The following LAMP3 variants were observed in gnomAD, a reference collection of about 807,000 sequenced individuals.
LAMP3 encodes the protein lysosome-associated membrane glycoprotein 3.
LAMP3 carries 26 observed loss-of-function variants against 34.8 expected under a neutral mutation model. The ratio of observed to expected loss-of-function variants is 0.75; its 90% CI spans 0.55 to 1.04. The LOEUF is 1.04. LAMP3 is among the 50% of genes least tolerant of loss of function. The pLI is 0.00. For missense variants in LAMP3, 495 were observed against 524.0 expected (o/e 0.94, Z 0.54); for synonymous variants, 180 against 201.9 (o/e 0.89, Z 0.92).
At chr3:183,137,179 A>G (rs1022688954) in intron 4 of LAMP3, among the ~76,000 whole-genome samples, 8 of 151,752 alleles carry the variant, frequency 5.3e-5, no homozygotes, top group African/African-American at 1.9e-4. Flanking sequence ...TTAGCCAGGC[A>G]TGGAGGTGGG....
Position 183,153,671 on chromosome 3 carries a change from C to T in LAMP3, c.759+11G>A. On this transcript the variant is annotated intron_variant, in intron 2 of 5. Coordinates refer to ENST00000265598, the MANE Select transcript of LAMP3 (RefSeq NM_014398.4). ...TGAAGATAGTGTTATAGTCCTGTGG[C>T]CCCAACTTACCGACTCCTTGTCTTG... 6.6e-7 allele frequency: 1 copy of T among 1,504,692 alleles called. No individual in the cohort carries two copies. The highest frequency in any genetic ancestry group is 8.9e-7 in the Non-Finnish European group (1 of 1,123,664). 93.2% of individuals were successfully genotyped at this position (1,504,692 alleles called of 1,614,324 possible). A position where few individuals can be genotyped will look rare whatever the true frequency, so the allele number is the denominator to read the frequency against.
At chr3:183,143,713 A>T (rs1315428203) in intron 3 of LAMP3, among the ~76,000 whole-genome samples, 1 of 152,186 alleles carries the variant, frequency 6.6e-6, no homozygotes, top group Non-Finnish European at 1.5e-5. Context: ...AAGAAAAAAA[A>T]AGATTCCAAG....
chr3:183,143,689 A>C lies in LAMP3; in HGVS notation c.889-3094T>G, dbSNP rs959548958. On this transcript the variant is annotated intron_variant, in intron 3 of 5. Coordinates refer to ENST00000265598, the MANE Select transcript of LAMP3 (RefSeq NM_014398.4). ...TGGCTTCTGTTCATACATCCCTATT[A>C]AGTGTCTCTTTCCAAGAAAAAAAAA... 2.6e-5 allele frequency among the ~76,000 whole-genome samples: 4 copies of C among 152,198 alleles called. No individual in the cohort carries two copies. The South Asian group carries it at 8.3e-4, about 32-fold the overall frequency.
chr3:183,151,183 A>C (rs190257074), intron 3 of LAMP3, among the ~76,000 whole-genome samples: 1 of 152,312 alleles, frequency 6.6e-6, no homozygotes, highest in East Asian at 1.9e-4. Context: ...ATTGGGAAAC[A>C]AGCCCCAACT....
chr3:183,134,263 T>G (rs921432974), intron 5 of LAMP3, among the ~76,000 whole-genome samples: 5 of 152,024 alleles, frequency 3.3e-5, no homozygotes, highest in Non-Finnish European at 7.4e-5. Flanking sequence ...GGAGAGGAGT[T>G]AAGGAGAACT....
At chr3:183,131,913 C>T in intron 5 of LAMP3, 1 of 985,136 alleles carries the variant, frequency 1.0e-6, no homozygotes, top group African/African-American at 1.7e-5. Flanking sequence ...TATCAACCGT[C>T]CCCCATCAGG....
chr3:183,154,671 C>T lies in LAMP3; in HGVS notation c.50-280G>A, dbSNP rs139374244. On this transcript the variant is annotated intron_variant, in intron 1 of 5. Coordinates refer to ENST00000265598, the MANE Select transcript of LAMP3 (RefSeq NM_014398.4). ...CTGTGTGAGGTGTGGTACTAATACA[C>T]GCCAAAGTGATCATGCTCAGCTAGA... Among the ~76,000 whole-genome samples the T allele has an allele frequency of 3.3e-5, 5 of 152,154 alleles. No individual in the cohort carries two copies. The South Asian group carries it at 6.2e-4, about 19-fold the overall frequency.
At chr3:183,137,705 T>C (rs981875117) in intron 4 of LAMP3, among the ~76,000 whole-genome samples, 24 of 152,048 alleles carry the variant, frequency 1.6e-4, no homozygotes, top group African/African-American at 5.6e-4. Flanking sequence ...AACATGAAAA[T>C]CATCATTACT....
intron 3 of LAMP3, among the ~76,000 whole-genome samples, chr3:183,148,667 T>C (rs78939752): frequency 0.074 from 11,236 of 152,138 alleles, 468 homozygotes; most frequent in East Asian, 0.16. Flanking sequence ...CCAGTGAAAA[T>C]GGCTCTTATC....
In LAMP3 at chr3:183,154,101, AGTT is replaced by A; in HGVS notation, c.337_339del (p.Asn113del). The A allele has an allele frequency of 6.2e-7, 1 of 1,613,908 alleles. No homozygotes were observed. Among genetic ancestry groups the A allele is most frequent in the Non-Finnish European group, 8.5e-7 (1 of 1,179,970 alleles). On this transcript the variant is annotated inframe_deletion, in exon 2 of 6. Transcript: ENST00000265598. ...TCAGTAACTGGAGGAGCTGTGTGTG[AGTT>A]GTTGGGTGTGGCCTGGGTTGTGACC...
At chr3:183,138,812 T>A (rs1720182028) in intron 4 of LAMP3, among the ~76,000 whole-genome samples, 1 of 152,182 alleles carries the variant, frequency 6.6e-6, no homozygotes, top group African/African-American at 2.4e-5. Flanking sequence ...CCTGGCTCTC[T>A]GTCCCTCGAC....
In LAMP3 at chr3:183,126,229, G is replaced by A. The variant is rs115420531; in HGVS notation, c.1118-2015C>T. 4.4e-3 allele frequency among the ~76,000 whole-genome samples: 675 copies of A among 151,862 alleles called. 6 individuals are homozygous for A. Among genetic ancestry groups the A allele is most frequent in the African/African-American group, 0.016 (642 of 41,374 alleles). On this transcript the variant is annotated intron_variant, in intron 5 of 5. Coordinates refer to ENST00000265598, the MANE Select transcript of LAMP3 (RefSeq NM_014398.4). ...AAATAATATAGCCATTAAAAAGAACGTGGTAGGTCTCGGTGTTCTGTAACA... is the reference window on the plus strand; with the variant it reads ...AAATAATATAGCCATTAAAAAGAACATGGTAGGTCTCGGTGTTCTGTAACA...
intron 3 of LAMP3, among the ~76,000 whole-genome samples, chr3:183,145,467 C>T (rs923781142): frequency 1.2e-4 from 19 of 152,036 alleles, no homozygotes; most frequent in African/African-American, 3.6e-4. Flanking sequence ...GGTCACAAAG[C>T]GAATGATATG....
chr3:183,152,401 C>T lies in LAMP3; in HGVS notation c.862G>A (p.Gly288Arg), dbSNP rs770560672. ...KSNLLLNFQG[G>R]FVNLTFTKDE... is the part of the protein sequence containing the mutation. ...TTGGTAAATGTGAGATTCACAAATC[C>T]GCCCTGAAAATTCAACAGAAGGTTG... Residue 288 changes from glycine to arginine, a missense_variant, in exon 3 of 6, where the codon GGA becomes AGA. Gly to Arg is a moderately radical substitution (Grantham distance 125, BLOSUM62 -2). Transcript: ENST00000265598. 1.4e-5 allele frequency: 23 copies of T among 1,611,534 alleles called. No individual in the cohort carries two copies. In the African/African-American group the frequency reaches 1.9e-4, roughly 13 times the overall value.
In LAMP3 at chr3:183,153,873, G is replaced by A; in HGVS notation, c.568C>T (p.His190Tyr). The stretch of plus-strand genomic sequence containing the variant: ...GCAGCTGCCGTTGTTCCTGGGGCAT[G>A]GGTGGGTTGAACAGGCTTCTGACCG... ...TTGQKPVQPT[H>Y]APGTTAAAHN... Residue 190 changes from histidine to tyrosine, a missense_variant, in exon 2 of 6, where the codon CAT (histidine) becomes TAT (tyrosine). By Grantham distance (83) the His-to-Tyr change is moderately conservative. Coordinates refer to ENST00000265598, the MANE Select transcript of LAMP3 (RefSeq NM_014398.4). The A allele has an allele frequency of 6.2e-7, 1 of 1,613,832 alleles. No homozygotes were observed. Among genetic ancestry groups the A allele is most frequent in the Non-Finnish European group, 8.5e-7 (1 of 1,179,746 alleles).
At position 183,153,753 on chromosome 3, in the gene LAMP3, C is replaced by T; in HGVS notation, c.688G>A (p.Val230Ile). 6.4e-7 allele frequency: 1 copy of T among 1,554,056 alleles called. No homozygotes were observed. The highest frequency in any genetic ancestry group is 8.7e-7 in the Non-Finnish European group (1 of 1,152,180). The change falls in exon 2 of 6, where the codon GTT becomes ATT. Residue 230 changes from valine (V) to isoleucine (I), a missense_variant. Transcript: ENST00000265598. ...PSSVKTGIYQVLNGSRLCIKA... is the reference protein window; with the variant it reads ...PSSVKTGIYQILNGSRLCIKA... ...ATACAGAGTCTGCTTCCGTTTAGAACCTGATAAATTCCAGTCTTGACTGAC... is the reference window on the plus strand; with the variant it reads ...ATACAGAGTCTGCTTCCGTTTAGAATCTGATAAATTCCAGTCTTGACTGAC...
chr3:183,152,946 G>T (rs577176224), intron 2 of LAMP3, among the ~76,000 whole-genome samples: 122 of 152,208 alleles, frequency 8.0e-4, no homozygotes, highest in Middle Eastern at 3.4e-3. Flanking sequence ...GGAGGCCAAG[G>T]CGGGCAGATC....
At chr3:183,140,059 C>T (rs12633970) in intron 4 of LAMP3, among the ~76,000 whole-genome samples, 11 of 152,124 alleles carry the variant, frequency 7.2e-5, no homozygotes, top group Non-Finnish European at 1.0e-4. Context: ...CACACAGAGG[C>T]GTAGTAAAGT....
intron 5 of LAMP3, chr3:183,131,844 G>T (rs1206608936): frequency 1.3e-6 from 1 of 785,724 alleles, no homozygotes; most frequent in Non-Finnish European, 1.5e-6. Flanking sequence ...CCCCATCAAT[G>T]TAATAGGAAA....
Sources: gnomAD v4.1 joint callset for allele counts (sites outside exome capture counted in the v4.1 genomes callset) on GRCh38, gnomAD v4.1.1 for gene constraint, MANE v1.5 for transcripts, NCBI Gene and HGNC (gene_info 2026-07-23, HGNC 2026-07-21) for gene names.